Variants in MACROD2 observed in about 807,000 individuals in gnomAD.
MACROD2 encodes mono-ADP ribosylhydrolase 2.
A neutral mutation model predicts 70.4 loss-of-function variants in MACROD2; 36 were observed. The observed-to-expected ratio is 0.51, with a 90% CI of 0.39 to 0.68. The LOEUF is 0.68. Ranked by LOEUF, MACROD2 falls within the 30% of genes least tolerant of loss-of-function variation. The probability of loss-of-function intolerance (pLI) is 0.00; values close to 1 mark genes in which losing one functional copy is unlikely to be tolerated. For synonymous variants in MACROD2, 172 were observed against 178.8 expected (o/e 0.96, Z 0.30); for missense variants, 496 against 538.4 (o/e 0.92, Z 0.78).
At chr20:14,807,323 A>T (rs1347707138) in intron 5 of MACROD2, among the ~76,000 whole-genome samples, 3 of 152,102 alleles carry the variant, frequency 2.0e-5, no homozygotes, top group Non-Finnish European at 4.4e-5. Context: ...TAACCCAAAA[A>T]ACTCCAGAAG....
At chr20:14,845,393 G>C (rs1459674590) in intron 5 of MACROD2, among the ~76,000 whole-genome samples, 1 of 151,904 alleles carries the variant, frequency 6.6e-6, no homozygotes, top group Admixed American at 6.6e-5. Context: ...AGATTACTGA[G>C]AATTTCTTGG....
rs759927949 is a variant in MACROD2 at position 15,819,403 on chromosome 20, TTATA to T, written c.646-43336_646-43333del. ...AATATAGATAACATATATAAAATAT[TTATA>T]TATATTTATATAAATATAAATAAGT... On this transcript the variant is annotated intron_variant, in intron 8 of 17. Coordinates refer to ENST00000684519, the MANE Select transcript of MACROD2 (RefSeq NM_001351661.2). Among the ~76,000 whole-genome samples the T allele has an allele frequency of 2.8e-4, 39 of 141,338 alleles. No homozygotes were observed. In the East Asian group the frequency reaches 3.6e-3, roughly 13 times the overall value. The allele number at this position is 141,338 out of a possible 152,430, so 92.7% of individuals were successfully genotyped here. A position where few individuals can be genotyped will look rare whatever the true frequency, so the allele number is the denominator to read the frequency against.
chr20:14,703,265 T>A (rs1224490853), intron 5 of MACROD2, among the ~76,000 whole-genome samples: 2 of 152,108 alleles, frequency 1.3e-5, no homozygotes, highest in African/African-American at 4.8e-5. Flanking sequence ...TGGGAGGGAC[T>A]GTGTGGTAAA....
rs916201370 is a variant in MACROD2 at position 14,391,502 on chromosome 20, A to G, written c.272-101977A>G. On this transcript the variant is annotated intron_variant, in intron 3 of 17. Transcript: ENST00000684519. ...GAAGGTAAAAACAGAGAGGATCAGG[A>G]AAAATAACTAATGGGCACTAGGCTT... Among the ~76,000 whole-genome samples, 3 of 152,114 alleles carry G rather than the reference A, an allele frequency of 2.0e-5. No homozygotes were observed. In the East Asian group the frequency reaches 5.8e-4, roughly 29 times the overall value.
chr20:14,331,771 C>T (rs1191631075), intron 3 of MACROD2, among the ~76,000 whole-genome samples: 1 of 152,108 alleles, frequency 6.6e-6, no homozygotes, highest in East Asian at 1.9e-4. Flanking sequence ...ACGATCCTCT[C>T]CTATCCTTAG....
chr20:15,859,722 TTAAAC>T (rs1307895596), intron 8 of MACROD2, among the ~76,000 whole-genome samples: 1 of 152,034 alleles, frequency 6.6e-6, no homozygotes, highest in African/African-American at 2.4e-5. Flanking sequence ...CTCAATTAAT[TTAAAC>T]TAAAAAGTGT....
chr20:14,582,346 C>T (rs1981086006), intron 4 of MACROD2, among the ~76,000 whole-genome samples: 1 of 151,998 alleles, frequency 6.6e-6, no homozygotes, highest in Non-Finnish European at 1.5e-5. Context: ...GAAAAGAGCC[C>T]TATCCCCATG....
chr20:14,611,925 C>G (rs1210906107), intron 4 of MACROD2, among the ~76,000 whole-genome samples: 2 of 152,040 alleles, frequency 1.3e-5, no homozygotes, highest in East Asian at 1.9e-4. Context: ...TATTCAGGTA[C>G]TCATCTAACA....
intron 10 of MACROD2, among the ~76,000 whole-genome samples, chr20:15,915,476 G>A (rs933246059): frequency 6.6e-6 from 1 of 152,150 alleles, no homozygotes; most frequent in Admixed American, 6.5e-5. Context: ...CTAAAGCATA[G>A]GAAGTTCTCA....
intron 5 of MACROD2, among the ~76,000 whole-genome samples, chr20:15,218,421 C>A (rs1010318617): frequency 6.6e-6 from 1 of 152,186 alleles, no homozygotes; most frequent in African/African-American, 2.4e-5. Context: ...GATCTCTTCC[C>A]TTTTGTAGCC....
Position 14,933,030 on chromosome 20 carries a change from C to T in MACROD2, c.418+248071C>T, listed in dbSNP as rs571087405. 7.2e-5 allele frequency among the ~76,000 whole-genome samples: 11 copies of T among 151,778 alleles called. No homozygotes were observed. In the South Asian group the frequency reaches 1.9e-3, roughly 26 times the overall value. ...GTTGAGATTTTTAAATAAGTATTAA[C>T]GAAATAGAAAGAATAGTCTTCAGAG... is the stretch of plus-strand genomic sequence containing the variant. On this transcript the variant is annotated intron_variant, in intron 5 of 17. Transcript: ENST00000684519.
chr20:15,877,478 A>T (rs948011579), intron 9 of MACROD2, among the ~76,000 whole-genome samples: 1 of 151,934 alleles, frequency 6.6e-6, no homozygotes, highest in Non-Finnish European at 1.5e-5. Context: ...AGAACAACAA[A>T]ATTTCTCCTG....
At position 16,035,143 on chromosome 20, in the gene MACROD2, TTA is replaced by T. The variant is rs1568726016; in HGVS notation, c.1154-6051_1154-6050del. Reference sequence around the variant, plus strand: ...AATATAAAATATTATATATTATATATTATATATAAAATATAATATAAAATATA... The same window carrying T: ...AATATAAAATATTATATATTATATATTATATAAAATATAATATAAAATATA... On this transcript the variant is annotated intron_variant, in intron 15 of 17. Transcript: ENST00000684519. Among the ~76,000 whole-genome samples, 78 of 111,472 alleles carry T rather than the reference TTA, an allele frequency of 7.0e-4. 4 individuals carry two copies. The East Asian group carries it at 0.014, about 20-fold the overall frequency. The allele number at this position is 111,472 out of a possible 152,430, so 73.1% of individuals were successfully genotyped here. A position where few individuals can be genotyped will look rare whatever the true frequency, so the allele number is the denominator to read the frequency against.
At chr20:14,835,073 G>C (rs2073014344) in intron 5 of MACROD2, among the ~76,000 whole-genome samples, 1 of 152,002 alleles carries the variant, frequency 6.6e-6, no homozygotes, top group Non-Finnish European at 1.5e-5. Context: ...AATGGAACAT[G>C]TTTTTAGTTT....
intron 3 of MACROD2, among the ~76,000 whole-genome samples, chr20:14,103,402 G>A (rs1039784219): frequency 3.9e-5 from 6 of 152,270 alleles, no homozygotes; most frequent in Admixed American, 2.6e-4. Context: ...TTTAGAGATC[G>A]TCTTCTCTCT....
chr20:15,497,031 T>G (rs1416189765), intron 7 of MACROD2, among the ~76,000 whole-genome samples: 4 of 152,126 alleles, frequency 2.6e-5, no homozygotes, highest in Non-Finnish European at 4.4e-5. Context: ...AGAGGGACAA[T>G]GCCTTTAGGA....
intron 3 of MACROD2, among the ~76,000 whole-genome samples, chr20:14,230,949 G>A (rs1185489615): frequency 1.3e-5 from 2 of 151,028 alleles, no homozygotes; most frequent in African/African-American, 2.4e-5. Context: ...CTTTTGGGTG[G>A]CCAGGAGCAT....
At position 15,689,776 on chromosome 20, in the gene MACROD2, A is replaced by T. The variant is rs551460499; in HGVS notation, c.646-172969A>T. On this transcript the variant is annotated intron_variant, in intron 8 of 17. Transcript: ENST00000684519. ...GCAGGGGACACCTTGCCTCCTCTAA[A>T]CACTTTCTCCAAAAGGAGAACTCTC... 2.0e-4 allele frequency among the ~76,000 whole-genome samples: 30 copies of T among 152,328 alleles called. 1 individual carries two copies. In the South Asian group the frequency reaches 3.1e-3, roughly 16 times the overall value.
chr20:15,680,408 A>G (rs1054507330), intron 8 of MACROD2, among the ~76,000 whole-genome samples: 3 of 152,202 alleles, frequency 2.0e-5, no homozygotes, highest in Non-Finnish European at 4.4e-5. Context: ...ACAAGAAACT[A>G]TGAAGTCCCT....
Sources: allele counts gnomAD v4.1 joint callset (sites outside exome capture counted in the v4.1 genomes callset), GRCh38; gene constraint gnomAD v4.1.1; transcripts MANE v1.5; gene names NCBI Gene and HGNC (gene_info 2026-07-23, HGNC 2026-07-21).